Variants in KLHL32 observed in about 807,000 individuals in gnomAD.
The protein encoded by KLHL32 is kelch like family member 32.
A neutral mutation model predicts 64.8 loss-of-function variants in KLHL32; 35 were observed. The observed-to-expected ratio is 0.54, with a 90% confidence interval of 0.41 to 0.72. The LOEUF (loss-of-function observed/expected upper bound fraction) is 0.72, where lower values mean the gene tolerates loss of function less well. Among genes scored for constraint, KLHL32 ranks in the 30% least tolerant of loss-of-function variants. KLHL32 has a pLI of 0.00. For synonymous variants in KLHL32, 259 were observed against 281.0 expected, an observed-to-expected ratio of 0.92 and a Z score of 0.78; for missense variants, 589 against 768.5, an observed-to-expected ratio of 0.77 and a Z score of 2.76.
intron 3 of KLHL32, among the ~76,000 whole-genome samples, chr6:97,031,616 T>A (rs1206106): frequency 0.26 from 39,180 of 151,942 alleles, 6,556 homozygotes; most frequent in African/African-American, 0.47. Flanking sequence ...GGGATTATAG[T>A]CATGACCCAC....
the KLHL32 span, among the ~76,000 whole-genome samples, chr6:96,903,393 G>A: frequency 6.6e-6 from 1 of 152,250 alleles, no homozygotes; most frequent in South Asian, 2.1e-4. Flanking sequence ...AATAGATACA[G>A]AATAGAATAG....
intron 3 of KLHL32, chr6:97,024,954 A>G (rs1221759391): frequency 1.0e-6 from 1 of 978,096 alleles, no homozygotes; most frequent in Non-Finnish European, 1.2e-6. Flanking sequence ...ATGCTGTTTT[A>G]TTTAAAGTAA....
chr6:97,086,228 C>T (rs1383806887), intron 6 of KLHL32, among the ~76,000 whole-genome samples: 1 of 152,088 alleles, frequency 6.6e-6, no homozygotes, highest in Non-Finnish European at 1.5e-5. Context: ...ACAGTGAATC[C>T]CTGGTATCTT....
At chr6:96,971,094 A>G (rs1005986671) in intron 2 of KLHL32, among the ~76,000 whole-genome samples, 3 of 152,120 alleles carry the variant, frequency 2.0e-5, no homozygotes, top group African/African-American at 7.2e-5. Flanking sequence ...GAGAATCTTT[A>G]TCCCACTTAG....
At chr6:97,053,782 TTTA>T in intron 4 of KLHL32, among the ~76,000 whole-genome samples, 1 of 151,980 alleles carries the variant, frequency 6.6e-6, no homozygotes, top group East Asian at 1.9e-4. Context: ...ATTAAATAAA[TTTA>T]TTGTGTACTA....
intron 6 of KLHL32, among the ~76,000 whole-genome samples, chr6:97,098,450 CAATT>C (rs1040963295): frequency 6.6e-6 from 1 of 151,962 alleles, no homozygotes; most frequent in Admixed American, 6.6e-5. Context: ...AATTGGAAAA[CAATT>C]AAGTCTATAG....
chr6:97,093,494 G>C (rs1794554772), intron 6 of KLHL32, among the ~76,000 whole-genome samples: 1 of 152,162 alleles, frequency 6.6e-6, no homozygotes, highest in African/African-American at 2.4e-5. Flanking sequence ...AACTCTTTAA[G>C]AAAACAGAAA....
chr6:96,952,246 T>G (rs901798783), intron 1 of KLHL32, among the ~76,000 whole-genome samples: 1 of 152,228 alleles, frequency 6.6e-6, no homozygotes, highest in South Asian at 2.1e-4. Context: ...TTATTAATGT[T>G]TCTTAAATGT....
chr6:97,014,891 C>T (rs1780932364), intron 3 of KLHL32, among the ~76,000 whole-genome samples: 1 of 152,202 alleles, frequency 6.6e-6, no homozygotes, highest in African/African-American at 2.4e-5. Flanking sequence ...CCACCCAAAT[C>T]TCATCTCGAA....
chr6:96,931,592 A>G (rs550070895), intron 1 of KLHL32, among the ~76,000 whole-genome samples: 20 of 152,344 alleles, frequency 1.3e-4, no homozygotes, highest in African/African-American at 4.6e-4. Context: ...CAATATTTCT[A>G]AAGATATAGT....
At chr6:96,976,446 G>A (rs529612673) in intron 3 of KLHL32, among the ~76,000 whole-genome samples, 1 of 152,126 alleles carries the variant, frequency 6.6e-6, no homozygotes, top group Non-Finnish European at 1.5e-5. Flanking sequence ...GGAAAATGTG[G>A]CACTGTAGTG....
intron 1 of KLHL32, among the ~76,000 whole-genome samples, chr6:96,958,486 G>A (rs146769395): frequency 6.6e-6 from 1 of 152,314 alleles, no homozygotes; most frequent in African/African-American, 2.4e-5. Context: ...GAGAACAATT[G>A]AGTGTTGATG....
At chr6:97,030,358 A>AT (rs1269673643) in intron 3 of KLHL32, among the ~76,000 whole-genome samples, 2 of 152,230 alleles carry the variant, frequency 1.3e-5, no homozygotes, top group Admixed American at 1.3e-4. Flanking sequence ...ACATACTGTG[A>AT]TTTTAGGACT....
At chr6:97,101,349 A>G (rs1455567884) in intron 6 of KLHL32, among the ~76,000 whole-genome samples, 2 of 152,218 alleles carry the variant, frequency 1.3e-5, no homozygotes, top group African/African-American at 4.8e-5. Context: ...TCCAAATTTC[A>G]TTAGAATATT....
intron 3 of KLHL32, among the ~76,000 whole-genome samples, chr6:96,977,567 G>A (rs1025687952): frequency 5.3e-5 from 8 of 152,002 alleles, no homozygotes; most frequent in Admixed American, 5.2e-4. Flanking sequence ...ATTTAATTGT[G>A]TTGTGTTGTT....
chr6:96,948,833 A>G (rs979126410), intron 1 of KLHL32, among the ~76,000 whole-genome samples: 11 of 152,070 alleles, frequency 7.2e-5, no homozygotes, highest in African/African-American at 1.7e-4. Context: ...ACCCAAGCCT[A>G]TTGACTGAGC....
At chr6:97,138,918 A>C (rs1457333306) in intron 10 of KLHL32, among the ~76,000 whole-genome samples, 1 of 152,232 alleles carries the variant, frequency 6.6e-6, no homozygotes, top group Non-Finnish European at 1.5e-5. Flanking sequence ...ATATATGTAC[A>C]TCCAAAAACA....
chr6:96,916,367 C>G, the KLHL32 span, among the ~76,000 whole-genome samples: 1 of 151,822 alleles, frequency 6.6e-6, no homozygotes, highest in Non-Finnish European at 1.5e-5. Context: ...TATAGAAGTA[C>G]AGTCTTTCTC....
chr6:97,084,266 C>T (rs566961840), intron 5 of KLHL32, among the ~76,000 whole-genome samples: 6 of 152,302 alleles, frequency 3.9e-5, no homozygotes, highest in Non-Finnish European at 7.3e-5. Flanking sequence ...AGCCCACTCT[C>T]ATTCTACTTG....
Sources: gnomAD v4.1 joint callset for allele counts (sites outside exome capture counted in the v4.1 genomes callset) on GRCh38, gnomAD v4.1.1 for gene constraint, MANE v1.5 for transcripts, NCBI Gene and HGNC (gene_info 2026-07-23, HGNC 2026-07-21) for gene names.